The following PCDHGA1 variants were observed in gnomAD, a reference collection of about 807,000 sequenced individuals.
PCDHGA1 encodes protocadherin gamma subfamily A, 1.
PCDHGA1 carries 32 observed loss-of-function variants against 58.0 expected under a neutral mutation model. The observed-to-expected ratio is 0.55, with a 90% CI of 0.42 to 0.74. The LOEUF is 0.74. Among genes scored for constraint, PCDHGA1 ranks in the 30% least tolerant of loss-of-function variants. The pLI, the probability that PCDHGA1 is intolerant of heterozygous loss-of-function variation, is 0.00. For missense variants in PCDHGA1, 1,205 were observed against 1,182.3 expected (o/e 1.02, Z -0.28); for synonymous variants, 498 against 501.1 (o/e 0.99, Z 0.08).
intron 1 of PCDHGA1, chr5:141,355,724 A>C (rs749817952): frequency 6.2e-7 from 1 of 1,613,970 alleles, no homozygotes; most frequent in Non-Finnish European, 8.5e-7. Context: ...CTCAACTCAA[A>C]CGGTTACTTT....
intron 1 of PCDHGA1, among the ~76,000 whole-genome samples, chr5:141,479,107 G>A (rs1212999480): frequency 6.6e-6 from 1 of 152,090 alleles, no homozygotes; most frequent in Non-Finnish European, 1.5e-5. Flanking sequence ...TTTATTTCAA[G>A]CATTCTACTG....
intron 1 of PCDHGA1, chr5:141,429,167 T>TAC (rs1357037045): frequency 6.6e-5 from 9 of 136,102 alleles, no homozygotes; most frequent in African/African-American, 8.8e-5. Context: ...AGACATTGTT[T>TAC]ATACACACAC....
chr5:141,344,550 A>G, intron 1 of PCDHGA1: 1 of 1,614,028 alleles, frequency 6.2e-7, no homozygotes, highest in Non-Finnish European at 8.5e-7. Flanking sequence ...CTACAAGCTT[A>G]GCCCCAATGA....
At chr5:141,409,709 T>G (rs1328690143) in intron 1 of PCDHGA1, 2 of 1,613,198 alleles carry the variant, frequency 1.2e-6, no homozygotes, top group Non-Finnish European at 8.5e-7. Context: ...GGCGGTGTCG[T>G]CATACGTGTC....
In PCDHGA1 at chr5:141,431,149, G is replaced by A. The variant is rs150692324; in HGVS notation, c.2422-63658G>A. Reference sequence around the variant, plus strand: ...AAGTAAGGGACATTAACGACAATGCGCCTTACTTTCGTGAAAGTGAATTAG... The same window carrying A: ...AAGTAAGGGACATTAACGACAATGCACCTTACTTTCGTGAAAGTGAATTAG... On this transcript the variant is annotated intron_variant, in intron 1 of 3. Coordinates refer to ENST00000517417, the MANE Select transcript of PCDHGA1 (RefSeq NM_018912.3). This position sits in a 1 kb window ranked among gnomAD's most constrained non-coding sequence, Gnocchi z 4.8. The A allele has an allele frequency of 3.7e-4, 605 of 1,614,210 alleles. No individual in the cohort carries two copies. Among genetic ancestry groups the A allele is most frequent in the Non-Finnish European group, 4.7e-4 (552 of 1,180,020 alleles).
intron 1 of PCDHGA1, chr5:141,378,176 C>A (rs541529562): frequency 6.6e-6 from 1 of 152,124 alleles, no homozygotes; most frequent in South Asian, 2.1e-4. Context: ...AACTAAGCAC[C>A]GATGCTGTGT....
At chr5:141,467,131 C>A (rs1441537783) in intron 1 of PCDHGA1, among the ~76,000 whole-genome samples, 1 of 151,702 alleles carries the variant, frequency 6.6e-6, no homozygotes, top group African/African-American at 2.4e-5. Flanking sequence ...CAGCTCACTG[C>A]AACCTCTGCC....
At chr5:141,508,162 G>A (rs377676571) in intron 3 of PCDHGA1, 4 of 152,502 alleles carry the variant, frequency 2.6e-5, no homozygotes, top group African/African-American at 9.7e-5. Context: ...CCTGAGTAGA[G>A]GCTGGCACAG....
chr5:141,371,469 G>T, intron 1 of PCDHGA1: 1 of 1,613,990 alleles, frequency 6.2e-7, no homozygotes, highest in Non-Finnish European at 8.5e-7. Flanking sequence ...TATACAAGAA[G>T]ATGCTGAGCT....
In PCDHGA1 at chr5:141,476,575, C is replaced by A; in HGVS notation, c.2422-18232C>A. 6 of 1,614,232 alleles carry A rather than the reference C, an allele frequency of 3.7e-6. No homozygotes were observed. The highest frequency in any genetic ancestry group is 5.1e-6 in the Non-Finnish European group (6 of 1,180,042). The stretch of plus-strand genomic sequence containing the variant: ...GCGAGGCCGTGGCTCCGGGGACGCG[C>A]TTTCCGCTCGAGAGCGCGCACGATC... On this transcript the variant is annotated intron_variant, in intron 1 of 3. Transcript: ENST00000517417. This position sits in a 1 kb window ranked among gnomAD's most constrained non-coding sequence, Gnocchi z 7.6.
intron 1 of PCDHGA1, among the ~76,000 whole-genome samples, chr5:141,425,812 G>A (rs1472168775): frequency 6.6e-6 from 1 of 152,054 alleles, no homozygotes; most frequent in African/African-American, 2.4e-5. Context: ...CTTCTGCTTA[G>A]AAAAAAACAA....
rs563853936 is a variant in PCDHGA1 at position 141,332,161 on chromosome 5, G to A, written c.1477G>A (p.Glu493Lys). The A allele has an allele frequency of 6.2e-7, 1 of 1,614,132 alleles. No individual in the cohort carries two copies. The highest frequency in any genetic ancestry group is 1.3e-5 in the African/African-American group (1 of 75,040). Residue 493 changes from glutamate (E) to lysine (K), a missense_variant, in exon 1 of 4, where the codon GAG becomes AAG. Transcript: ENST00000517417. The surrounding 1 kb of genome is among the most constrained non-coding windows in gnomAD (Gnocchi z 4.6). ...TGCACAAATCACTTACTCCCTAATA[G>A]AGGACACTATCCAGGGGGCACCCCT... The part of the protein sequence containing the change: ...ENAQITYSLI[E>K]DTIQGAPLSA...
At chr5:141,372,077 G>A (rs533920380) in intron 1 of PCDHGA1, 223 of 1,613,592 alleles carry the variant, frequency 1.4e-4, no homozygotes, top group Non-Finnish European at 1.8e-4. Context: ...ATGCACCGCT[G>A]GTGCTGTACC....
At chr5:141,408,929 A>G in intron 1 of PCDHGA1, 1 of 1,613,518 alleles carries the variant, frequency 6.2e-7, no homozygotes, top group Non-Finnish European at 8.5e-7. Context: ...CCCGGTTTTC[A>G]GCAGAGACGA....
Position 141,344,493 on chromosome 5 carries a change from A to C in PCDHGA1, c.2421+11388A>C, listed in dbSNP as rs11575948. The C allele has an allele frequency of 0.096, 154,566 of 1,613,822 alleles. 9,080 individuals carry two copies. The highest frequency in any genetic ancestry group is 0.28 in the African/African-American group (21,061 of 74,946). ...AACGGTTCCTGGAACCCGATTTCCAATTAAAACTGCTTTTGACCCAGATGT... is the reference window on the plus strand; with the variant it reads ...AACGGTTCCTGGAACCCGATTTCCACTTAAAACTGCTTTTGACCCAGATGT... On this transcript the variant is annotated intron_variant, in intron 1 of 3. Transcript: ENST00000517417.
chr5:141,403,623 G>A (rs765775423), intron 1 of PCDHGA1: 1 of 1,613,898 alleles, frequency 6.2e-7, no homozygotes, highest in South Asian at 1.1e-5. Context: ...CGTCGCTCCA[G>A]CACAGTGCGC....
At chr5:141,470,112 G>T (rs1186184232) in intron 1 of PCDHGA1, among the ~76,000 whole-genome samples, 1 of 152,104 alleles carries the variant, frequency 6.6e-6, no homozygotes, top group Non-Finnish European at 1.5e-5. Flanking sequence ...CTGAGCAACA[G>T]AGCAAGACTT....
At position 141,331,896 on chromosome 5, in the gene PCDHGA1, A is replaced by G; in HGVS notation, c.1212A>G (p.Leu404=). The G allele has an allele frequency of 1.9e-6, 3 of 1,614,206 alleles. No homozygotes were observed. Among genetic ancestry groups the G allele is most frequent in the Middle Eastern group, 1.6e-4 (1 of 6,062 alleles). ...AGTTAGTTGATAATTATTACCGTTTAGTGACTGAAAGAACACTGGACAGAG... is the reference window on the plus strand; with the variant it reads ...AGTTAGTTGATAATTATTACCGTTTGGTGACTGAAAGAACACTGGACAGAG... ...LEKLVDNYYR[L]VTERTLDREL... Residue 404 remains leucine (L), a synonymous_variant, in exon 1 of 4, where the codon TTA becomes TTG. Transcript: ENST00000517417.
At chr5:141,376,055 G>C in intron 1 of PCDHGA1, 2 of 1,613,350 alleles carry the variant, frequency 1.2e-6, no homozygotes, top group Non-Finnish European at 1.7e-6. Flanking sequence ...CTCCGCCACT[G>C]TCACGCTCAC....
Sources: allele counts gnomAD v4.1 joint callset (sites outside exome capture counted in the v4.1 genomes callset), GRCh38; gene constraint gnomAD v4.1.1; non-coding constraint Gnocchi (gnomAD v3.1); transcripts MANE v1.5; gene names NCBI Gene and HGNC (gene_info 2026-07-23, HGNC 2026-07-21).